OR4F16: variants seen among roughly 807,000 people sequenced by gnomAD.
OR4F16 encodes olfactory receptor family 4 subfamily F member 16.
At chr1:701,476 A>C in the OR4F16 span, among the ~76,000 whole-genome samples, 3 of 150,188 alleles carry the variant, frequency 2.0e-5, no homozygotes, top group Non-Finnish European at 4.4e-5. Flanking sequence ...AGAACAAGAG[A>C]CTGAGGATTA....
chr1:676,756 AG>A, the OR4F16 span, among the ~76,000 whole-genome samples: 2 of 121,472 alleles, frequency 1.6e-5, 1 homozygote, highest in Non-Finnish European at 3.2e-5. Flanking sequence ...CAGACCACCT[AG>A]GGGAAAGGGC....
chr1:715,420 T>G, the OR4F16 span, among the ~76,000 whole-genome samples: 1 of 6,244 alleles, frequency 1.6e-4, no homozygotes, highest in African/African-American at 9.9e-4. Flanking sequence ...TTCCTTTAAA[T>G]TAGGATGGCA....
the OR4F16 span, among the ~76,000 whole-genome samples, chr1:679,938 C>T: frequency 8.2e-5 from 11 of 134,388 alleles, 1 homozygote; most frequent in Admixed American, 8.0e-4. Context: ...AGCCAATATC[C>T]CTGATGAACA....
At chr1:678,337 C>CATCTGGTTATTTG in the OR4F16 span, among the ~76,000 whole-genome samples, 4 of 120,504 alleles carry the variant, frequency 3.3e-5, 1 homozygote, top group Admixed American at 2.5e-4. Context: ...AACCAGCTAG[C>CATCTGGTTATTTG]ATCGTAATGA....
the OR4F16 span, among the ~76,000 whole-genome samples, chr1:679,992 G>A: frequency 7.4e-6 from 1 of 134,416 alleles, no homozygotes; most frequent in Non-Finnish European, 1.6e-5. Context: ...ACCAAATCCA[G>A]CAGCATATCA....
chr1:715,747 G>A, the OR4F16 span, among the ~76,000 whole-genome samples: 36 of 137,276 alleles, frequency 2.6e-4, no homozygotes, highest in African/African-American at 9.5e-4. Flanking sequence ...TGGAAGAATA[G>A]CTTGAGTCTG....
chr1:702,483 ATT>A, the OR4F16 span: 3 of 127,726 alleles, frequency 2.3e-5, no homozygotes, highest in African/African-American at 8.8e-5. Context: ...TTGAAAAATT[ATT>A]GATTCATACT....
the OR4F16 span, among the ~76,000 whole-genome samples, chr1:679,827 C>A: frequency 3.3e-5 from 3 of 89,950 alleles, no homozygotes; most frequent in African/African-American, 1.4e-4. Flanking sequence ...CTATTCCAAA[C>A]AACAGAAAAA....
the OR4F16 span, among the ~76,000 whole-genome samples, chr1:713,615 T>G: frequency 1.2e-5 from 1 of 81,540 alleles, no homozygotes; most frequent in African/African-American, 6.9e-5. Context: ...TTGAAAACTT[T>G]TGAAAAACTA....
At chr1:710,382 GATGT>G in the OR4F16 span, among the ~76,000 whole-genome samples, 1 of 9,456 alleles carries the variant, frequency 1.1e-4, no homozygotes, top group African/African-American at 2.3e-4. Flanking sequence ...TTCTTAAGTA[GATGT>G]ATGTACATGA....
chr1:716,068 C>T, the OR4F16 span, among the ~76,000 whole-genome samples: 1 of 142,182 alleles, frequency 7.0e-6, no homozygotes, highest in Admixed American at 7.1e-5. Flanking sequence ...TATGCCAGAG[C>T]TGACCTTGAA....
the OR4F16 span, among the ~76,000 whole-genome samples, chr1:692,738 AG>A: frequency 7.0e-6 from 1 of 143,224 alleles, no homozygotes; most frequent in African/African-American, 2.6e-5. Flanking sequence ...AAAAACCCAA[AG>A]GATTGGTGAC....
At chr1:680,384 T>TAAAGGGTA in the OR4F16 span, among the ~76,000 whole-genome samples, 1 of 6,850 alleles carries the variant, frequency 1.5e-4, no homozygotes, top group Admixed American at 1.3e-3. Flanking sequence ...GAGAAAGAAA[T>TAAAGGGTA]TGTCTCTGTT....
chr1:679,951 G>A, the OR4F16 span, among the ~76,000 whole-genome samples: 4 of 135,066 alleles, frequency 3.0e-5, no homozygotes, highest in East Asian at 2.2e-4. Context: ...GATGAACATC[G>A]ATGCAAAAAT....
chr1:712,447 G>C, the OR4F16 span, among the ~76,000 whole-genome samples: 52 of 83,492 alleles, frequency 6.2e-4, no homozygotes, highest in Middle Eastern at 6.3e-3. Flanking sequence ...GGATGGTCTC[G>C]ATCTCCTGAC....
chr1:690,908 A>G (rs867352962), upstream of OR4F16, among the ~76,000 whole-genome samples: 7 of 148,216 alleles, frequency 4.7e-5, no homozygotes, highest in Middle Eastern at 3.4e-3. Context: ...GAAAAATTAT[A>G]ATGTTCCCAA....
At chr1:677,459 G>A in the OR4F16 span, among the ~76,000 whole-genome samples, 2 of 101,224 alleles carry the variant, frequency 2.0e-5, no homozygotes, top group African/African-American at 1.1e-4. Flanking sequence ...CCCAATGTAA[G>A]GAAGCTAAGG....
chr1:713,326 T>A, the OR4F16 span, among the ~76,000 whole-genome samples: 1 of 54,926 alleles, frequency 1.8e-5, no homozygotes, highest in African/African-American at 1.2e-4. Context: ...ACATGTTAGT[T>A]GATACCAGAG....
chr1:690,877 T>A (rs1228768580), upstream of OR4F16, among the ~76,000 whole-genome samples: 1 of 148,204 alleles, frequency 6.7e-6, no homozygotes, highest in Admixed American at 6.7e-5. Flanking sequence ...ATTTATTATA[T>A]ATTCTAAAAT....
Sources: gnomAD v4.1 joint callset for allele counts (sites outside exome capture counted in the v4.1 genomes callset) on GRCh38, gnomAD v4.1.1 for gene constraint, MANE v1.5 for transcripts, NCBI Gene and HGNC (gene_info 2026-07-23, HGNC 2026-07-21) for gene names.